Variants in COBLL1 observed in about 807,000 individuals in gnomAD.
COBLL1 encodes the protein cordon-bleu protein-like 1.
In COBLL1, 50 loss-of-function variants were observed where a neutral mutation model predicts 94.8. The observed-to-expected ratio is 0.53, with a 90% CI of 0.42 to 0.67. COBLL1 has a LOEUF of 0.67. Among genes scored for constraint, COBLL1 ranks in the 30% least tolerant of loss-of-function variants. The pLI, the probability that COBLL1 is intolerant of heterozygous loss-of-function variation, is 0.00. For missense variants in COBLL1, 1,362 were observed against 1,348.7 expected (o/e 1.01, Z -0.15); for synonymous variants, 448 against 473.8 (o/e 0.95, Z 0.71).
At chr2:164,798,964 G>A (rs1484316597) in intron 2 of COBLL1, among the ~76,000 whole-genome samples, 1 of 130,578 alleles carries the variant, frequency 7.7e-6, no homozygotes, top group Non-Finnish European at 1.5e-5. Flanking sequence ...AGCTTGCAGT[G>A]AGCCAAGATC....
At chr2:164,677,566 G>T (rs1200666971), downstream of COBLL1, among the ~76,000 whole-genome samples, 2 of 152,310 alleles carry the variant, frequency 1.3e-5, no homozygotes, top group Middle Eastern at 3.4e-3. Flanking sequence ...GGTAGCTGCA[G>T]CTTTAAAAGA....
At chr2:164,744,548 G>A (rs1686767248) in intron 2 of COBLL1, among the ~76,000 whole-genome samples, 1 of 152,170 alleles carries the variant, frequency 6.6e-6, no homozygotes, top group Non-Finnish European at 1.5e-5. Context: ...CTAGCCAGAT[G>A]TGGTGGCACA....
intron 13 of COBLL1, 32 bp from the exon 14 acceptor site, chr2:164,686,064 A>G (rs1683269496): frequency 2.4e-6 from 3 of 1,245,820 alleles, no homozygotes; most frequent in Non-Finnish European, 3.4e-6. Context: ...TGCACCCATC[A>G]ATTTAAAATG....
chr2:164,818,465 T>C (rs753765320), intron 2 of COBLL1, among the ~76,000 whole-genome samples: 7 of 149,350 alleles, frequency 4.7e-5, no homozygotes, highest in Non-Finnish European at 7.4e-5. Context: ...TGTATACATA[T>C]ACACATATTT....
At chr2:164,812,408 A>G (rs1334778420) in intron 2 of COBLL1, among the ~76,000 whole-genome samples, 1 of 152,020 alleles carries the variant, frequency 6.6e-6, no homozygotes, top group African/African-American at 2.4e-5. Context: ...AGATTTTTAT[A>G]AACTACTTAG....
Position 164,803,242 on chromosome 2 carries a change from C to A in COBLL1, c.41+37914G>T, listed in dbSNP as rs576449751. On this transcript the variant is annotated intron_variant, in intron 2 of 13. Coordinates refer to ENST00000652658, the MANE Select transcript of COBLL1 (RefSeq NM_001365672.2). ...TAAATGTATTAGTAATATGTGATAT[C>A]TTTAAAAGCGTTAATCATACAAGAT... Among the ~76,000 whole-genome samples the A allele has an allele frequency of 2.9e-3, 444 of 152,212 alleles. 1 individual carries two copies. The highest frequency in any genetic ancestry group is 5.7e-3 in the Non-Finnish European group (388 of 68,018).
chr2:164,761,979 A>C (rs1687706208), intron 2 of COBLL1, among the ~76,000 whole-genome samples: 1 of 152,220 alleles, frequency 6.6e-6, no homozygotes, highest in African/African-American at 2.4e-5. Flanking sequence ...GTAGCAATGC[A>C]ACTAGAGAAT....
chr2:164,816,924 C>T (rs1287638165), intron 2 of COBLL1, among the ~76,000 whole-genome samples: 1 of 152,110 alleles, frequency 6.6e-6, no homozygotes, highest in Non-Finnish European at 1.5e-5. Flanking sequence ...TCATAGCAGG[C>T]TTACAGCTGG....
At chr2:164,840,842 C>A (rs1683563478) in intron 2 of COBLL1, 1 of 300,908 alleles carries the variant, frequency 3.3e-6, no homozygotes, top group Non-Finnish European at 6.1e-6. Flanking sequence ...ACCGCTCCCC[C>A]AGAGCCCAAA....
chr2:164,817,487 C>A (rs1684827198), intron 2 of COBLL1, among the ~76,000 whole-genome samples: 1 of 151,956 alleles, frequency 6.6e-6, no homozygotes, highest in African/African-American at 2.4e-5. Flanking sequence ...AGAACTTGCA[C>A]AGTTTCACCT....
At chr2:164,701,853 T>C (rs1214841428) in intron 9 of COBLL1, among the ~76,000 whole-genome samples, 3 of 122,134 alleles carry the variant, frequency 2.5e-5, no homozygotes, top group Non-Finnish European at 4.6e-5. Context: ...CCACAGTATC[T>C]GAATGAAATT....
At position 164,827,185 on chromosome 2, in the gene COBLL1, G is replaced by T. The variant is rs188791694; in HGVS notation, c.41+13971C>A. ...GCTGGTCTCGAACTCCTGAACTCAA[G>T]TGATCCACCCACCTCGGCCTCCCAA... On this transcript the variant is annotated intron_variant, in intron 2 of 13. Coordinates refer to ENST00000652658, the MANE Select transcript of COBLL1 (RefSeq NM_001365672.2). 2.7e-3 allele frequency among the ~76,000 whole-genome samples: 414 copies of T among 152,210 alleles called. 2 individuals carry two copies. Among genetic ancestry groups the T allele is most frequent in the African/African-American group, 9.6e-3 (398 of 41,530 alleles).
intron 7 of COBLL1, among the ~76,000 whole-genome samples, chr2:164,708,109 A>AG (rs763484075): frequency 6.6e-6 from 1 of 152,096 alleles, no homozygotes; most frequent in Non-Finnish European, 1.5e-5. Flanking sequence ...GCCTCATAAC[A>AG]GGGGGGTGCG....
At chr2:164,694,084 T>C (rs1010392322) in intron 12 of COBLL1, among the ~76,000 whole-genome samples, 185 bp downstream of exon 12, 7 of 152,160 alleles carry the variant, frequency 4.6e-5, no homozygotes, top group African/African-American at 9.6e-5. Flanking sequence ...AAACAAGTTA[T>C]ATAAGTTATA....
intron 1 of COBLL1, among the ~76,000 whole-genome samples, chr2:164,667,916 T>A (rs1691187858): frequency 6.6e-6 from 1 of 152,120 alleles, no homozygotes; most frequent in Non-Finnish European, 1.5e-5. Flanking sequence ...ACAACTTGGC[T>A]GTTTGGTATA....
intron 1 of COBLL1, among the ~76,000 whole-genome samples, chr2:164,673,791 ATT>A (rs1213447082): frequency 9.9e-5 from 15 of 152,218 alleles, no homozygotes; most frequent in Admixed American, 9.8e-4. Flanking sequence ...ATATTTGTGT[ATT>A]GTTTATGGCA....
chr2:164,711,252 C>T (rs1406997992), intron 7 of COBLL1, among the ~76,000 whole-genome samples: 1 of 152,154 alleles, frequency 6.6e-6, no homozygotes, highest in Non-Finnish European at 1.5e-5. Flanking sequence ...GCTTCATAAC[C>T]ATCAGCTGAT....
Position 164,694,532 on chromosome 2 carries a change from T to C in COBLL1, c.2860A>G (p.Lys954Glu), listed in dbSNP as rs1245521868. The change falls in exon 12 of 14, where the codon AAA (lysine) becomes GAA (glutamate). Residue 954 changes from lysine to glutamate, a missense_variant. Physicochemically the swap from Lys to Glu is moderately conservative, Grantham distance 56 (BLOSUM62 1). Transcript: ENST00000652658. Reference sequence around the variant, plus strand: ...TGACTAGCAGGAATTGTCACAGGTTTTGGAGCTATGGGAGGAGGGGAGGCT... The same window carrying C: ...TGACTAGCAGGAATTGTCACAGGTTCTGGAGCTATGGGAGGAGGGGAGGCT... ...AEASPPPIAP[K>E]PVTIPASQVS... is the part of the protein sequence containing the mutation. 1 of 1,613,950 alleles carries C rather than the reference T, an allele frequency of 6.2e-7. No individual in the cohort carries two copies. The highest frequency in any genetic ancestry group is 1.7e-5 in the Admixed American group (1 of 59,974).
At chr2:164,834,309 T>A (rs921337445) in intron 2 of COBLL1, among the ~76,000 whole-genome samples, 2 of 152,224 alleles carry the variant, frequency 1.3e-5, no homozygotes, top group Admixed American at 1.3e-4. Flanking sequence ...TATCAGTCAT[T>A]TTTTCTAAAG....
Sources: gnomAD v4.1 joint callset for allele counts (sites outside exome capture counted in the v4.1 genomes callset) on GRCh38, gnomAD v4.1.1 for gene constraint, MANE v1.5 for transcripts, NCBI Gene and HGNC (gene_info 2026-07-23, HGNC 2026-07-21) for gene names.